Variants in RANBP2 observed in about 807,000 individuals in gnomAD.
The protein encoded by RANBP2 is RAN binding protein 2.
In RANBP2, 57 loss-of-function variants were observed where a neutral mutation model predicts 303.6. That is an observed-to-expected ratio of 0.19 (90% CI 0.15 to 0.23). The LOEUF is 0.23. RANBP2 is among the 10% of genes least tolerant of loss of function. The pLI is 1.00. For synonymous variants in RANBP2, 1,167 were observed against 1,301.5 expected (o/e 0.90, Z 2.23); for missense variants, 3,138 against 3,780.8 (o/e 0.83, Z 4.46).
chr2:109,758,845 G>A, the RANBP2 span: 1 of 146,198 alleles, frequency 6.8e-6, no homozygotes, highest in East Asian at 2.1e-4. Context: ...ATGTACCCAG[G>A]AAAAAGAAAT....
At chr2:109,359,458 A>G in the RANBP2 span, among the ~76,000 whole-genome samples, 1 of 152,200 alleles carries the variant, frequency 6.6e-6, no homozygotes, top group Non-Finnish European at 1.5e-5. Context: ...TGAGATTTTT[A>G]ATTTTCCCTA....
At chr2:109,489,319 C>T in the RANBP2 span, among the ~76,000 whole-genome samples, 4 of 152,236 alleles carry the variant, frequency 2.6e-5, no homozygotes, top group Non-Finnish European at 5.9e-5. Context: ...TATCCCACAG[C>T]CACAGGCCCC....
At chr2:109,637,256 T>A in the RANBP2 span, among the ~76,000 whole-genome samples, 2 of 152,204 alleles carry the variant, frequency 1.3e-5, no homozygotes, top group Non-Finnish European at 2.9e-5. Flanking sequence ...CCTCCCACCA[T>A]AGGGCGGTTT....
the RANBP2 span, among the ~76,000 whole-genome samples, chr2:109,565,136 TTAC>T: frequency 7.2e-5 from 11 of 152,176 alleles, no homozygotes; most frequent in African/African-American, 2.7e-4. Context: ...AGTATAATTA[TTAC>T]TTTTACATTT....
chr2:108,786,599 C>T (rs1405437494), downstream of RANBP2, among the ~76,000 whole-genome samples: 1 of 152,058 alleles, frequency 6.6e-6, no homozygotes, highest in Non-Finnish European at 1.5e-5. Flanking sequence ...CGGGGAGATG[C>T]AATACTACTC....
At chr2:108,954,836 C>T in the RANBP2 span, among the ~76,000 whole-genome samples, 8 of 152,076 alleles carry the variant, frequency 5.3e-5, no homozygotes, top group South Asian at 1.3e-3. Flanking sequence ...CCACCATGGC[C>T]GGCTAATTTT....
At chr2:109,049,903 C>T in the RANBP2 span, among the ~76,000 whole-genome samples, 1 of 152,098 alleles carries the variant, frequency 6.6e-6, no homozygotes, top group African/African-American at 2.4e-5. Flanking sequence ...TAGGGCTGAC[C>T]GACACATCTG....
intron 4 of RANBP2, chr2:108,731,846 AT>A: frequency 8.9e-6 from 2 of 225,620 alleles, no homozygotes; most frequent in Non-Finnish European, 1.8e-5. Context: ...GTGTTTTCTA[AT>A]AACTATTGTC....
the RANBP2 span, among the ~76,000 whole-genome samples, chr2:109,047,172 T>G: frequency 6.6e-6 from 1 of 151,558 alleles, no homozygotes; most frequent in Non-Finnish European, 1.5e-5. Flanking sequence ...CCTGCTCCCC[T>G]CAACAGAGCC....
chr2:108,800,222 G>C, the RANBP2 span, among the ~76,000 whole-genome samples: 2,766 of 152,172 alleles, frequency 0.018, 72 homozygotes, highest in African/African-American at 0.063. Context: ...GAATATTATT[G>C]ATTTTAAAGC....
rs755384601 is a variant in RANBP2, at chr2:108,755,039, A to T, written c.2337A>T (p.Thr779=). 6.2e-7 allele frequency: 1 copy of T among 1,611,960 alleles called. No individual in the cohort carries two copies. Among genetic ancestry groups the T allele is most frequent in the South Asian group, 1.1e-5 (1 of 90,996 alleles). The part of the protein sequence containing the change: ...RNADSEIKHS[T]PSPTRYSLSP... ...CAGATTCAGAAATAAAACATTCTAC[A>T]CCGTCTCCTACCAGATATTCACTAT... Residue 779 remains threonine (T), a synonymous_variant, in exon 16 of 29, where the codon ACA becomes ACT. Coordinates refer to ENST00000283195, the MANE Select transcript of RANBP2 (RefSeq NM_006267.5).
At chr2:109,138,075 G>A in the RANBP2 span, among the ~76,000 whole-genome samples, 5 of 152,198 alleles carry the variant, frequency 3.3e-5, no homozygotes, top group Non-Finnish European at 5.9e-5. Flanking sequence ...GAGTGCAGTG[G>A]CACGATCTCG....
chr2:109,432,641 T>A, the RANBP2 span: 1 of 1,612,812 alleles, frequency 6.2e-7, no homozygotes. Context: ...TCTGGGGTGT[T>A]CCCCGGAAAC....
chr2:108,798,960 A>G, the RANBP2 span, among the ~76,000 whole-genome samples: 4 of 152,108 alleles, frequency 2.6e-5, no homozygotes, highest in Admixed American at 1.3e-4. Flanking sequence ...CCATTAGCGC[A>G]TATCAGGAAA....
the RANBP2 span, among the ~76,000 whole-genome samples, chr2:109,664,310 T>C: frequency 3.3e-5 from 5 of 152,182 alleles, no homozygotes; most frequent in East Asian, 7.7e-4. Flanking sequence ...CAAAGATTCT[T>C]ATAAAAATCT....
intron 12 of RANBP2, among the ~76,000 whole-genome samples, chr2:108,752,749 C>T (rs528487402): frequency 2.0e-5 from 3 of 151,158 alleles, no homozygotes; most frequent in Non-Finnish European, 2.9e-5. Context: ...GCCGAGATCA[C>T]GCCACTGCAC....
At chr2:109,273,438 G>GCA in the RANBP2 span, among the ~76,000 whole-genome samples, 2 of 152,256 alleles carry the variant, frequency 1.3e-5, no homozygotes, top group African/African-American at 4.8e-5. Context: ...CCCCCAGGAG[G>GCA]TGTGCGGGGC....
At chr2:108,941,503 G>A in the RANBP2 span, among the ~76,000 whole-genome samples, 10 of 152,174 alleles carry the variant, frequency 6.6e-5, no homozygotes, top group East Asian at 7.7e-4. Flanking sequence ...GCTTCCTGGC[G>A]ACCCTTCCTG....
the RANBP2 span, among the ~76,000 whole-genome samples, chr2:108,931,370 T>C: frequency 1.3e-5 from 2 of 151,994 alleles, no homozygotes; most frequent in Admixed American, 6.6e-5. Context: ...AAGTCTGGAG[T>C]CCTCCAGGCC....
Sources: allele counts gnomAD v4.1 joint callset (sites outside exome capture counted in the v4.1 genomes callset), GRCh38; gene constraint gnomAD v4.1.1; transcripts MANE v1.5; gene names NCBI Gene and HGNC (gene_info 2026-07-23, HGNC 2026-07-21).